The following ELP3 variants were observed in gnomAD, a reference collection of about 807,000 sequenced individuals.
ELP3 encodes the protein elongator acetyltransferase complex subunit 3.
Under a neutral mutation model 74.9 loss-of-function variants are expected in ELP3, and 56 were observed. The ratio of observed to expected loss-of-function variants is 0.75; its 90% CI spans 0.60 to 0.93. ELP3 has a LOEUF of 0.93. Ranked by LOEUF, ELP3 falls within the 40% of genes least tolerant of loss-of-function variation. The pLI, the probability that ELP3 is intolerant of heterozygous loss-of-function variation, is 0.00. For missense variants in ELP3, 573 were observed against 686.5 expected, an observed-to-expected ratio of 0.83 and a Z score of 1.85; for synonymous variants, 222 against 239.8, an observed-to-expected ratio of 0.93 and a Z score of 0.68.
intron 9 of ELP3, among the ~76,000 whole-genome samples, chr8:28,134,769 T>C (rs1039905553): frequency 1.3e-5 from 2 of 152,218 alleles, no homozygotes; most frequent in Non-Finnish European, 2.9e-5. Flanking sequence ...CTTATCTCTC[T>C]GAAGAAATTT....
chr8:28,116,059 C>T (rs934139583), intron 7 of ELP3, among the ~76,000 whole-genome samples: 7 of 152,078 alleles, frequency 4.6e-5, no homozygotes, highest in Non-Finnish European at 7.4e-5. Context: ...CAAGTAAATG[C>T]GTGAATGAAT....
At chr8:28,167,242 C>T (rs1336420273) in intron 14 of ELP3, among the ~76,000 whole-genome samples, 1 of 152,188 alleles carries the variant, frequency 6.6e-6, no homozygotes, top group Non-Finnish European at 1.5e-5. Flanking sequence ...ATCACAGTGC[C>T]TCCTGGTCAG....
chr8:28,132,898 G>A (rs1812834298), intron 9 of ELP3, among the ~76,000 whole-genome samples: 1 of 152,052 alleles, frequency 6.6e-6, no homozygotes, highest in Admixed American at 6.6e-5. Flanking sequence ...ATGACTTTAT[G>A]TGTATAATTT....
At position 28,093,213 on chromosome 8, in the gene ELP3, A is replaced by C. The variant is rs1181382614; in HGVS notation, c.-2A>C. On this transcript the variant is annotated 5_prime_UTR_variant, in exon 1 of 15. Coordinates refer to ENST00000256398, the MANE Select transcript of ELP3 (RefSeq NM_018091.6). ...TGGTGGCTCTGCTACGGCGGCGCAG[A>C]AATGAGGCAGAAGCGGAAAGGTGCG... 1 of 1,613,214 alleles carries C rather than the reference A, an allele frequency of 6.2e-7. No individual in the cohort carries two copies. The highest frequency in any genetic ancestry group is 8.5e-7 in the Non-Finnish European group (1 of 1,179,902).
intron 14 of ELP3, among the ~76,000 whole-genome samples, chr8:28,189,184 T>G (rs1815357930): frequency 6.6e-6 from 1 of 152,208 alleles, no homozygotes; most frequent in South Asian, 2.1e-4. Flanking sequence ...TGGGGCTGAG[T>G]GGAGATCCCA....
intron 11 of ELP3, 72 bp downstream of exon 11, chr8:28,156,104 C>T (rs1813818647): frequency 8.1e-7 from 1 of 1,239,800 alleles, no homozygotes; most frequent in Non-Finnish European, 1.2e-6. Flanking sequence ...AAGACTTTGC[C>T]ACTACCACCC....
chr8:28,136,391 G>A (rs905811311), intron 9 of ELP3, among the ~76,000 whole-genome samples: 1 of 152,124 alleles, frequency 6.6e-6, no homozygotes, highest in Non-Finnish European at 1.5e-5. Context: ...GTATGTCTCC[G>A]AAACTTATTA....
chr8:28,140,746 C>G (rs1239325949), intron 10 of ELP3, among the ~76,000 whole-genome samples: 3 of 152,132 alleles, frequency 2.0e-5, no homozygotes, highest in African/African-American at 7.2e-5. Flanking sequence ...GTATGGCCCC[C>G]AAGCATAGTA....
chr8:28,102,695 T>C (rs187129502), intron 3 of ELP3, among the ~76,000 whole-genome samples: 1 of 152,364 alleles, frequency 6.6e-6, no homozygotes, highest in Non-Finnish European at 1.5e-5. Context: ...ATTATTAATA[T>C]CTTGCATTGT....
At chr8:28,179,190 C>T (rs543720251) in intron 14 of ELP3, among the ~76,000 whole-genome samples, 1 of 152,294 alleles carries the variant, frequency 6.6e-6, no homozygotes, top group East Asian at 1.9e-4. Context: ...GGTCCTGGAA[C>T]CAGCCCCCCA....
At chr8:28,107,173 G>A (rs1811731084) in intron 4 of ELP3, among the ~76,000 whole-genome samples, 1 of 152,158 alleles carries the variant, frequency 6.6e-6, no homozygotes, top group Admixed American at 6.5e-5. Context: ...GTTTAAACCT[G>A]GGAGGTGGAG....
intron 10 of ELP3, among the ~76,000 whole-genome samples, chr8:28,139,526 G>GA (rs1230946197): frequency 6.6e-6 from 1 of 151,970 alleles, no homozygotes; most frequent in Non-Finnish European, 1.5e-5. Flanking sequence ...AAAATATTCA[G>GA]AAAAAACAGT....
chr8:28,093,152 C>T lies in ELP3; in HGVS notation c.-63C>T. On this transcript the variant is annotated 5_prime_UTR_variant, in exon 1 of 15. Coordinates refer to ENST00000256398, the MANE Select transcript of ELP3 (RefSeq NM_018091.6). Reference sequence around the variant, plus strand: ...GGATTGTTTTGTGGCTGTCAGCTTTCCCCGTGGTCTGAGTTTGTGGCTGCA... The same window carrying T: ...GGATTGTTTTGTGGCTGTCAGCTTTTCCCGTGGTCTGAGTTTGTGGCTGCA... 1 of 1,598,088 alleles carries T rather than the reference C, an allele frequency of 6.3e-7. No homozygotes were observed.
chr8:28,189,497 G>A, intron 14 of ELP3, 152 bp from the exon 15 acceptor site: 1 of 642,768 alleles, frequency 1.6e-6, no homozygotes, highest in East Asian at 2.8e-5. Context: ...TGAATTCAAA[G>A]TAATAATGTT....
At chr8:28,129,215 G>T in intron 7 of ELP3, 1 of 259,998 alleles carries the variant, frequency 3.8e-6, no homozygotes, top group Non-Finnish European at 7.4e-6. Flanking sequence ...TGATAATGAT[G>T]ATAATAACAT....
intron 14 of ELP3, among the ~76,000 whole-genome samples, chr8:28,174,078 G>A (rs1281963319): frequency 6.6e-6 from 1 of 151,904 alleles, no homozygotes; most frequent in Non-Finnish European, 1.5e-5. Context: ...GCTATTAGTG[G>A]TAGCATGTTC....
intron 14 of ELP3, among the ~76,000 whole-genome samples, chr8:28,187,666 T>C (rs1815293612): frequency 6.6e-6 from 1 of 152,200 alleles, no homozygotes; most frequent in Admixed American, 6.5e-5. Context: ...TTCAAGTCTC[T>C]TGATTTGGAA....
Position 28,180,500 on chromosome 8 carries a change from A to G in ELP3, c.1568-9149A>G, listed in dbSNP as rs17058693. Among the ~76,000 whole-genome samples, 1,434 of 152,330 alleles carry G rather than the reference A, an allele frequency of 9.4e-3. 26 individuals carry two copies. The highest frequency in any genetic ancestry group is 0.032 in the African/African-American group (1,331 of 41,570). Reference sequence around the variant, plus strand: ...TTAATGTTTCCAGTTGTTTTCAGACATTGAACATAGTAAGCATACCTGTTT... The same window carrying G: ...TTAATGTTTCCAGTTGTTTTCAGACGTTGAACATAGTAAGCATACCTGTTT... On this transcript the variant is annotated intron_variant, in intron 14 of 14. Coordinates refer to ENST00000256398, the MANE Select transcript of ELP3 (RefSeq NM_018091.6).
chr8:28,093,199 C>T lies in ELP3; in HGVS notation c.-16C>T. 6.2e-7 allele frequency: 1 copy of T among 1,612,764 alleles called. No individual in the cohort carries two copies. The highest frequency in any genetic ancestry group is 1.1e-5 in the South Asian group (1 of 90,488). ...TGCATTTTTATCTCTGGTGGCTCTG[C>T]TACGGCGGCGCAGAAATGAGGCAGA... On this transcript the variant is annotated 5_prime_UTR_variant, in exon 1 of 15. Coordinates refer to ENST00000256398, the MANE Select transcript of ELP3 (RefSeq NM_018091.6).
Sources: gnomAD v4.1 joint callset for allele counts (sites outside exome capture counted in the v4.1 genomes callset) on GRCh38, gnomAD v4.1.1 for gene constraint, MANE v1.5 for transcripts, NCBI Gene and HGNC (gene_info 2026-07-23, HGNC 2026-07-21) for gene names.